The following ESRRG variants were observed in gnomAD, a reference collection of about 807,000 sequenced individuals.
ESRRG encodes the protein estrogen-related receptor gamma.
In ESRRG, 13 loss-of-function variants were observed where a neutral mutation model predicts 44.0. The observed-to-expected ratio is 0.30, with a 90% confidence interval of 0.19 to 0.47. The LOEUF (loss-of-function observed/expected upper bound fraction) is 0.47. Ranked by LOEUF, ESRRG falls within the 20% of genes least tolerant of loss-of-function variation. The probability of loss-of-function intolerance (pLI) is 1.00; values close to 1 mark genes in which losing one functional copy is unlikely to be tolerated. For synonymous variants in ESRRG, 215 were observed against 214.6 expected (o/e 1.00, Z -0.02); for missense variants, 395 against 580.6 (o/e 0.68, Z 3.29).
intron 3 of ESRRG, among the ~76,000 whole-genome samples, chr1:216,637,992 A>G (rs2065644447): frequency 6.6e-6 from 1 of 152,114 alleles, no homozygotes; most frequent in Non-Finnish European, 1.5e-5. Flanking sequence ...TGAAAAGTAT[A>G]CTGAAGTATG....
intron 1 of ESRRG, among the ~76,000 whole-genome samples, chr1:217,068,744 C>T (rs1370493123): frequency 6.6e-6 from 1 of 152,098 alleles, no homozygotes; most frequent in Admixed American, 6.6e-5. Context: ...AGCACAATTA[C>T]TCTCAAGCAG....
chr1:217,021,010 T>A (rs1391180096), intron 1 of ESRRG, among the ~76,000 whole-genome samples: 1 of 148,800 alleles, frequency 6.7e-6, no homozygotes. Flanking sequence ...TACCCTTTCA[T>A]ACTAGGAGAA....
chr1:217,070,772 T>C (rs970103578), intron 1 of ESRRG, among the ~76,000 whole-genome samples: 2 of 152,230 alleles, frequency 1.3e-5, no homozygotes, highest in Non-Finnish European at 2.9e-5. Context: ...CCTCTTTCTG[T>C]GTCTATATTT....
intron 1 of ESRRG, among the ~76,000 whole-genome samples, chr1:216,992,381 C>T (rs183908971): frequency 2.0e-5 from 3 of 152,318 alleles, no homozygotes; most frequent in Admixed American, 1.3e-4. Flanking sequence ...TGAATCCCTC[C>T]TGCAAGTTCT....
At chr1:216,978,425 C>T (rs530509281) in intron 1 of ESRRG, among the ~76,000 whole-genome samples, 8 of 152,162 alleles carry the variant, frequency 5.3e-5, no homozygotes, top group Middle Eastern at 6.8e-3. Context: ...CAGACAGTGC[C>T]AAAATTGGTA....
intron 1 of ESRRG, among the ~76,000 whole-genome samples, chr1:217,019,827 T>C (rs2080015405): frequency 6.6e-6 from 1 of 152,230 alleles, no homozygotes; most frequent in South Asian, 2.1e-4. Context: ...TAGAAAGCTC[T>C]TGTTTATTGA....
intron 3 of ESRRG, among the ~76,000 whole-genome samples, chr1:216,597,033 C>T (rs1205380643): frequency 1.3e-5 from 2 of 152,040 alleles, no homozygotes; most frequent in Non-Finnish European, 2.9e-5. Flanking sequence ...TTTAAAATTT[C>T]CCTATCCAAT....
At chr1:217,111,368 G>A (rs79600197) in intron 1 of ESRRG, among the ~76,000 whole-genome samples, 4,144 of 152,144 alleles carry the variant, frequency 0.027, 191 homozygotes, top group African/African-American at 0.093. Context: ...ATTTTGATGC[G>A]CCATTGTTAA....
At chr1:217,018,091 C>T (rs183218339) in intron 1 of ESRRG, among the ~76,000 whole-genome samples, 1 of 152,262 alleles carries the variant, frequency 6.6e-6, no homozygotes, top group African/African-American at 2.4e-5. Flanking sequence ...TTCATTTGAA[C>T]TAATAAACCA....
At chr1:216,531,467 T>C (rs1487381926) in intron 5 of ESRRG, among the ~76,000 whole-genome samples, 1 of 151,962 alleles carries the variant, frequency 6.6e-6, no homozygotes, top group African/African-American at 2.4e-5. Flanking sequence ...AGGCGACCAG[T>C]TATCTTCTCA....
intron 3 of ESRRG, among the ~76,000 whole-genome samples, chr1:216,578,946 A>G (rs2062198264): frequency 6.6e-6 from 1 of 152,140 alleles, no homozygotes; most frequent in African/African-American, 2.4e-5. Context: ...CATGGGAGAA[A>G]CTGAGGTAAG....
chr1:216,983,388 C>T (rs983827089), intron 1 of ESRRG, among the ~76,000 whole-genome samples: 1 of 151,782 alleles, frequency 6.6e-6, no homozygotes, highest in African/African-American at 2.4e-5. Context: ...TGCGCCACCA[C>T]ACCTGGCTAA....
intron 2 of ESRRG, among the ~76,000 whole-genome samples, chr1:216,772,351 A>G (rs899620662): frequency 6.6e-6 from 1 of 152,018 alleles, no homozygotes; most frequent in Non-Finnish European, 1.5e-5. Flanking sequence ...CTCTTTCTCT[A>G]CTCTAACATC....
rs539430220 is a variant in ESRRG at position 216,692,767 on chromosome 1, TTTACTGTACC to T, written c.57-15286_57-15277del. Among the ~76,000 whole-genome samples, 3 of 152,310 alleles carry T rather than the reference TTTACTGTACC, an allele frequency of 2.0e-5. No individual in the cohort carries two copies. In the South Asian group the frequency reaches 6.2e-4, roughly 32 times the overall value. On this transcript the variant is annotated intron_variant, in intron 1 of 6. Coordinates refer to ENST00000408911, the MANE Select transcript of ESRRG (RefSeq NM_001438.4). ...CATTTTTTATCCTTTTTACTATATTTTTACTGTACCTTATGTAGATACACAAATACTTACC... is the reference window on the plus strand; with the variant it reads ...CATTTTTTATCCTTTTTACTATATTTTTATGTAGATACACAAATACTTACC...
chr1:216,943,646 A>C lies in ESRRG; in HGVS notation c.-105-3973T>G, dbSNP rs926571738. On this transcript the variant is annotated intron_variant, in intron 1 of 7. Coordinates refer to the ESRRG transcript ENST00000359162. ...TACACACACATACAAAAGCCTGAAC[A>C]GCATATACTCTCAAAAAGTGAATGG... Among the ~76,000 whole-genome samples, 15 of 152,342 alleles carry C rather than the reference A, an allele frequency of 9.8e-5. No homozygotes were observed. The South Asian group carries it at 3.1e-3, about 32-fold the overall frequency.
At chr1:217,113,033 C>G (rs2092677154) in intron 1 of ESRRG, among the ~76,000 whole-genome samples, 1 of 152,120 alleles carries the variant, frequency 6.6e-6, no homozygotes, top group Admixed American at 6.5e-5. Context: ...AACCCATAGA[C>G]TTTTTTAAGA....
intron 2 of ESRRG, among the ~76,000 whole-genome samples, chr1:216,728,891 C>G (rs1386564452): frequency 6.6e-6 from 1 of 151,990 alleles, no homozygotes; most frequent in Non-Finnish European, 1.5e-5. Flanking sequence ...TGACACACTT[C>G]TAAGATTTCT....
intron 2 of ESRRG, among the ~76,000 whole-genome samples, chr1:216,652,574 GCAA>G (rs977499071): frequency 6.6e-6 from 1 of 151,884 alleles, no homozygotes; most frequent in African/African-American, 2.4e-5. Context: ...AATAATAAAA[GCAA>G]CAACTTTTTA....
intron 2 of ESRRG, among the ~76,000 whole-genome samples, chr1:216,780,465 A>C (rs1191352048): frequency 5.3e-5 from 8 of 152,052 alleles, no homozygotes; most frequent in Non-Finnish European, 2.9e-5. Context: ...ACATATTTAG[A>C]TATGGAATAA....
Sources: gnomAD v4.1 joint callset for allele counts (sites outside exome capture counted in the v4.1 genomes callset) on GRCh38, gnomAD v4.1.1 for gene constraint, MANE v1.5 for transcripts, NCBI Gene and HGNC (gene_info 2026-07-23, HGNC 2026-07-21) for gene names.